The following MMAA variants were observed in gnomAD, a reference collection of about 807,000 sequenced individuals.
The protein encoded by MMAA is metabolism of cobalamin associated A.
A neutral mutation model predicts 45.0 loss-of-function variants in MMAA; 41 were observed. That is an observed-to-expected ratio of 0.91 (90% CI 0.71 to 1.18). The LOEUF (loss-of-function observed/expected upper bound fraction) is 1.18, where lower values mean the gene tolerates loss of function less well. Ranked by LOEUF, MMAA falls within the 50% of genes most tolerant of loss-of-function variation. The pLI is 0.00. For missense variants in MMAA, 460 were observed against 495.7 expected (o/e 0.93, Z 0.68); for synonymous variants, 154 against 178.2 (o/e 0.86, Z 1.08).
chr4:145,646,298 T>C, intron 4 of MMAA, 142 bp downstream of exon 4: 1 of 914,030 alleles, frequency 1.1e-6, no homozygotes, highest in Non-Finnish European at 1.7e-6. Flanking sequence ...CCCTAGAAGA[T>C]ATGAATGTAT....
intron 3 of MMAA, among the ~76,000 whole-genome samples, chr4:145,643,359 G>C (rs1283261409): frequency 6.6e-6 from 1 of 152,154 alleles, no homozygotes; most frequent in African/African-American, 2.4e-5. Flanking sequence ...TACATCTTAT[G>C]CAGGAAACAC....
chr4:145,639,649 A>T, intron 2 of MMAA, 71 bp downstream of exon 2: 2 of 1,526,236 alleles, frequency 1.3e-6, no homozygotes, highest in Non-Finnish European at 8.8e-7. Context: ...TTTAAAAAAA[A>T]GTCTAAATAG....
intron 5 of MMAA, among the ~76,000 whole-genome samples, chr4:145,653,561 A>G (rs1207525757): frequency 1.3e-5 from 2 of 152,250 alleles, no homozygotes; most frequent in Non-Finnish European, 2.9e-5. Flanking sequence ...AATGCTATAT[A>G]CATTTAAGGA....
chr4:145,651,022 GGTGA>G, intron 4 of MMAA, 36 bp from the exon 5 acceptor site: 1 of 1,549,230 alleles, frequency 6.5e-7, no homozygotes, highest in Non-Finnish European at 8.9e-7. Context: ...GTCAAATAAT[GGTGA>G]GTATTTTAGG....
chr4:145,622,610 A>G (rs1342693058), intron 1 of MMAA, among the ~76,000 whole-genome samples: 1 of 152,190 alleles, frequency 6.6e-6, no homozygotes, highest in Non-Finnish European at 1.5e-5. Context: ...TATGGCTGTT[A>G]TGCTTTTGAT....
In MMAA at chr4:145,639,514, A is replaced by G. The variant is rs184069367; in HGVS notation, c.375A>G (p.Lys125=). The G allele has an allele frequency of 1.2e-6, 2 of 1,613,864 alleles. No homozygotes were observed. Among genetic ancestry groups the G allele is most frequent in the East Asian group, 4.5e-5 (2 of 44,880 alleles). ...AGTTAGCCCAGGTGCTTCTTCAGAAAGTATTACTTTACCACAGAGAACAAG... is the reference window on the plus strand; with the variant it reads ...AGTTAGCCCAGGTGCTTCTTCAGAAGGTATTACTTTACCACAGAGAACAAG... ...KKELAQVLLQ[K]VLLYHREQEQ... is the part of the protein sequence containing the mutation. The change falls in exon 2 of 7, where the codon AAA becomes AAG. Residue 125 remains lysine, a synonymous_variant. Coordinates refer to ENST00000649156, the MANE Select transcript of MMAA (RefSeq NM_172250.3).
chr4:145,620,117 C>T (rs1734061021), intron 1 of MMAA, among the ~76,000 whole-genome samples: 1 of 152,022 alleles, frequency 6.6e-6, no homozygotes, highest in Non-Finnish European at 1.5e-5. Flanking sequence ...CAAAAGTTTC[C>T]AGAAAAACTG....
In MMAA at chr4:145,655,642, A is replaced by G. The variant is rs1728209596; in HGVS notation, c.*208A>G. The G allele has an allele frequency of 2.0e-6, 1 of 507,742 alleles. No individual in the cohort carries two copies. The highest frequency in any genetic ancestry group is 3.4e-6 in the Non-Finnish European group (1 of 291,198). The allele number at this position is 507,742 out of a possible 1,614,324, so 31.5% of individuals were successfully genotyped here. A position where few individuals can be genotyped will look rare whatever the true frequency, so the allele number is the denominator to read the frequency against. ...AAGGTACCTGTTTTATGTTACTGATATCTGTTTCCTTCTCTTCTTATACCC... is the reference window on the plus strand; with the variant it reads ...AAGGTACCTGTTTTATGTTACTGATGTCTGTTTCCTTCTCTTCTTATACCC... On this transcript the variant is annotated 3_prime_UTR_variant, in exon 7 of 7. Coordinates refer to ENST00000649156, the MANE Select transcript of MMAA (RefSeq NM_172250.3).
At chr4:145,619,759 C>A (rs1376214746) in intron 1 of MMAA, among the ~76,000 whole-genome samples, 1 of 152,186 alleles carries the variant, frequency 6.6e-6, no homozygotes, top group Non-Finnish European at 1.5e-5. Flanking sequence ...CGCTGCCAAA[C>A]CCGGTAAATG....
At chr4:145,638,922 T>C (rs1727697265) in intron 1 of MMAA, among the ~76,000 whole-genome samples, 153 bp from the exon 2 acceptor site, 1 of 152,218 alleles carries the variant, frequency 6.6e-6, no homozygotes, top group South Asian at 2.1e-4. Context: ...TCTTTTAAGT[T>C]TATTTAGTAA....
rs1728273934 is a variant in MMAA at position 145,657,780 on chromosome 4, A to T, written c.*2346A>T. 1 of 152,232 alleles carries T rather than the reference A, an allele frequency of 6.6e-6. No homozygotes were observed. Among genetic ancestry groups the T allele is most frequent in the Non-Finnish European group, 1.5e-5 (1 of 68,044 alleles). 9.4% of individuals were successfully genotyped at this position (152,232 alleles called of 1,614,324 possible). On this transcript the variant is annotated 3_prime_UTR_variant, in exon 7 of 7. Transcript: ENST00000649156. Reference sequence around the variant, plus strand: ...GTTTCCTCACTATTAAATGGGGATGACAATAGTGTCCACCTAGAGCAGGAC... The same window carrying T: ...GTTTCCTCACTATTAAATGGGGATGTCAATAGTGTCCACCTAGAGCAGGAC...
intron 1 of MMAA, among the ~76,000 whole-genome samples, chr4:145,636,846 G>A (rs1723968603): frequency 6.6e-6 from 1 of 152,226 alleles, no homozygotes; most frequent in African/African-American, 2.4e-5. Context: ...ATAAGATAAT[G>A]AACGAGGCAT....
At chr4:145,628,169 A>G (rs767998684) in intron 1 of MMAA, among the ~76,000 whole-genome samples, 1 of 152,248 alleles carries the variant, frequency 6.6e-6, no homozygotes, top group Non-Finnish European at 1.5e-5. Context: ...ATGAGTAGTT[A>G]TTAGGCATTT....
intron 1 of MMAA, among the ~76,000 whole-genome samples, chr4:145,636,144 A>C (rs1298369165): frequency 3.3e-5 from 5 of 152,250 alleles, no homozygotes. Context: ...GAATGAAATA[A>C]GTTCAGATCA....
At chr4:145,646,262 TAATTA>T (rs1426422797) in intron 4 of MMAA, 106 bp downstream of exon 4, 1 of 1,267,372 alleles carries the variant, frequency 7.9e-7, no homozygotes, top group African/African-American at 1.5e-5. Context: ...GCTAAATGTA[TAATTA>T]AATACAAGAT....
chr4:145,620,193 ACTAAATACCG>A (rs1345892689), intron 1 of MMAA, among the ~76,000 whole-genome samples: 1 of 152,208 alleles, frequency 6.6e-6, no homozygotes, highest in Non-Finnish European at 1.5e-5. Flanking sequence ...ATAATTTTGC[ACTAAATACCG>A]GTTTGTGTTC....
At chr4:145,628,778 A>C (rs987717049) in intron 1 of MMAA, among the ~76,000 whole-genome samples, 1 of 152,222 alleles carries the variant, frequency 6.6e-6, no homozygotes, top group African/African-American at 2.4e-5. Context: ...TGCTGTTTTT[A>C]AAAAAGCAGA....
intron 2 of MMAA, 69 bp from the exon 3 acceptor site, chr4:145,642,294 C>T: frequency 1.9e-6 from 3 of 1,539,562 alleles, no homozygotes; most frequent in African/African-American, 1.4e-5. Flanking sequence ...TAATATTTTA[C>T]TCAGTAAAAC....
intron 1 of MMAA, among the ~76,000 whole-genome samples, chr4:145,636,849 C>T (rs562604897): frequency 6.6e-6 from 1 of 152,246 alleles, no homozygotes; most frequent in Admixed American, 6.5e-5. Flanking sequence ...AGATAATGAA[C>T]GAGGCATTGT....
Sources: gnomAD v4.1 joint callset for allele counts (sites outside exome capture counted in the v4.1 genomes callset) on GRCh38, gnomAD v4.1.1 for gene constraint, MANE v1.5 for transcripts, NCBI Gene and HGNC (gene_info 2026-07-23, HGNC 2026-07-21) for gene names.